Variants in SUGCT observed in about 807,000 individuals in gnomAD.
SUGCT encodes the protein succinyl-CoA:glutarate-CoA transferase, also known as succinyl-CoA:glutarate CoA-transferase.
SUGCT carries 41 observed loss-of-function variants against 55.0 expected under a neutral mutation model. The ratio of observed to expected loss-of-function variants is 0.74; its 90% CI spans 0.58 to 0.97. The LOEUF (loss-of-function observed/expected upper bound fraction) is 0.97. Among genes scored for constraint, SUGCT ranks in the 50% least tolerant of loss-of-function variants. The probability of loss-of-function intolerance (pLI) is 0.00; values close to 1 mark genes in which losing one functional copy is unlikely to be tolerated. For missense variants in SUGCT, 568 were observed against 547.8 expected (o/e 1.04, Z -0.37); for synonymous variants, 187 against 200.4 (o/e 0.93, Z 0.56).
At chr7:41,002,570 T>G in the SUGCT span, among the ~76,000 whole-genome samples, 1 of 152,114 alleles carries the variant, frequency 6.6e-6, no homozygotes, top group South Asian at 2.1e-4. Flanking sequence ...CTGGCATGAT[T>G]GAGTGTCCAT....
chr7:40,286,653 T>A (rs1474407334), intron 8 of SUGCT, among the ~76,000 whole-genome samples: 1 of 152,174 alleles, frequency 6.6e-6, no homozygotes, highest in Non-Finnish European at 1.5e-5. Flanking sequence ...GCATTTATTG[T>A]TTGGTGTGAC....
intron 11 of SUGCT, among the ~76,000 whole-genome samples, chr7:40,487,440 C>CA (rs1791441977): frequency 6.6e-6 from 1 of 151,352 alleles, no homozygotes; most frequent in South Asian, 2.1e-4. Context: ...GTTTTGTAGG[C>CA]TAATATATGA....
At chr7:40,305,729 A>G (rs1011099486) in intron 8 of SUGCT, among the ~76,000 whole-genome samples, 6 of 152,022 alleles carry the variant, frequency 3.9e-5, no homozygotes, top group Non-Finnish European at 5.9e-5. Flanking sequence ...TGGCATGATC[A>G]TAGTTCTCTG....
At chr7:40,332,294 A>C (rs1796353980) in intron 9 of SUGCT, among the ~76,000 whole-genome samples, 1 of 152,190 alleles carries the variant, frequency 6.6e-6, no homozygotes, top group Non-Finnish European at 1.5e-5. Context: ...GCCACTGATG[A>C]AGAATGATGG....
At chr7:40,222,040 G>A (rs1364851842) in intron 6 of SUGCT, among the ~76,000 whole-genome samples, 3 of 152,226 alleles carry the variant, frequency 2.0e-5, no homozygotes, top group African/African-American at 4.8e-5. Flanking sequence ...ATTTCCTGTG[G>A]ATTGGGGTAA....
the SUGCT span, among the ~76,000 whole-genome samples, chr7:40,938,813 C>G: frequency 6.6e-6 from 1 of 151,990 alleles, no homozygotes; most frequent in Non-Finnish European, 1.5e-5. Context: ...GAATAATGAC[C>G]TCCAATTCCA....
intron 9 of SUGCT, among the ~76,000 whole-genome samples, chr7:40,348,180 G>A (rs1373253447): frequency 1.3e-5 from 2 of 152,248 alleles, no homozygotes; most frequent in African/African-American, 4.8e-5. Flanking sequence ...GGTAATTATA[G>A]GTCCAGGCGG....
intron 12 of SUGCT, among the ~76,000 whole-genome samples, chr7:40,507,135 T>A (rs963607994): frequency 6.6e-6 from 1 of 152,204 alleles, no homozygotes; most frequent in Non-Finnish European, 1.5e-5. Context: ...CTCATAATTT[T>A]TTGTTGTTAA....
the SUGCT span, among the ~76,000 whole-genome samples, chr7:40,882,830 T>A: frequency 6.6e-6 from 1 of 152,030 alleles, no homozygotes; most frequent in Admixed American, 6.6e-5. Context: ...TGGATTCATA[T>A]TTTTTTTATT....
intron 7 of SUGCT, among the ~76,000 whole-genome samples, chr7:40,249,053 G>A (rs1313072923): frequency 6.6e-6 from 1 of 151,918 alleles, no homozygotes; most frequent in Non-Finnish European, 1.5e-5. Flanking sequence ...CACTTTGGGT[G>A]ACCAAGTCAG....
chr7:40,396,945 A>G (rs1217092956), intron 9 of SUGCT, among the ~76,000 whole-genome samples: 2 of 152,208 alleles, frequency 1.3e-5, no homozygotes, highest in Admixed American at 1.3e-4. Flanking sequence ...CTGAATTCCT[A>G]CATTCCATTT....
chr7:40,254,934 G>C (rs981831633), intron 7 of SUGCT, among the ~76,000 whole-genome samples: 1 of 151,634 alleles, frequency 6.6e-6, no homozygotes, highest in East Asian at 1.9e-4. Flanking sequence ...GAAAGGATAT[G>C]TTGGCTGGGC....
At chr7:40,841,931 CTG>C (rs1430423120) in intron 13 of SUGCT, among the ~76,000 whole-genome samples, 18 of 152,252 alleles carry the variant, frequency 1.2e-4, no homozygotes, top group Admixed American at 7.8e-4. Context: ...CACAATGAAA[CTG>C]TGAAAATAAA....
At chr7:41,032,004 T>G in the SUGCT span, among the ~76,000 whole-genome samples, 1 of 57,336 alleles carries the variant, frequency 1.7e-5, no homozygotes, top group African/African-American at 5.0e-5. Flanking sequence ...AATGAATGAA[T>G]GAATGAATGA....
chr7:40,146,178 A>G (rs539436093), intron 1 of SUGCT, among the ~76,000 whole-genome samples: 5 of 149,446 alleles, frequency 3.3e-5, no homozygotes, highest in Admixed American at 3.3e-4. Flanking sequence ...TTATTTTTCT[A>G]CTTTCTTCTG....
In SUGCT at chr7:40,652,306, A is replaced by G. The variant is rs1331637305; in HGVS notation, c.1090-97128A>G. Among the ~76,000 whole-genome samples, 3 of 152,198 alleles carry G rather than the reference A, an allele frequency of 2.0e-5. No individual in the cohort carries two copies. The East Asian group carries it at 5.8e-4, about 29-fold the overall frequency. Reference sequence around the variant, plus strand: ...TTCATTTATTCACCCATTTTCTAACAGGCATAAATTATAGTGCACCTCTAT... The same window carrying G: ...TTCATTTATTCACCCATTTTCTAACGGGCATAAATTATAGTGCACCTCTAT... On this transcript the variant is annotated intron_variant, in intron 12 of 13. Coordinates refer to ENST00000335693, the MANE Select transcript of SUGCT (RefSeq NM_001193313.2).
chr7:40,781,710 G>A (rs1432060068), intron 13 of SUGCT, among the ~76,000 whole-genome samples: 2 of 152,124 alleles, frequency 1.3e-5, no homozygotes, highest in Admixed American at 6.6e-5. Flanking sequence ...TGGGCTAAGT[G>A]AAACTTACAG....
At chr7:41,025,056 G>A in the SUGCT span, among the ~76,000 whole-genome samples, 1 of 152,118 alleles carries the variant, frequency 6.6e-6, no homozygotes, top group South Asian at 2.1e-4. Flanking sequence ...AGTTACAAAT[G>A]CATTATATAA....
At chr7:40,386,931 C>T (rs1387584853) in intron 9 of SUGCT, among the ~76,000 whole-genome samples, 1 of 152,134 alleles carries the variant, frequency 6.6e-6, no homozygotes, top group Non-Finnish European at 1.5e-5. Context: ...GCTGCTTGTG[C>T]CAGACCTGTC....
Sources: gnomAD v4.1 joint callset for allele counts (sites outside exome capture counted in the v4.1 genomes callset) on GRCh38, gnomAD v4.1.1 for gene constraint, MANE v1.5 for transcripts, NCBI Gene and HGNC (gene_info 2026-07-23, HGNC 2026-07-21) for gene names.